The following SLC22A16 variants were observed in gnomAD, a reference collection of about 807,000 sequenced individuals.
SLC22A16 encodes the protein solute carrier family 22 member 16.
SLC22A16 carries 53 observed loss-of-function variants against 52.9 expected under a neutral mutation model. The ratio of observed to expected loss-of-function variants is 1.00; its 90% CI spans 0.80 to 1.26. The LOEUF is 1.26. SLC22A16 is among the 50% of genes most tolerant of loss of function. SLC22A16 has a pLI of 0.00. For synonymous variants in SLC22A16, 291 were observed against 268.8 expected, an observed-to-expected ratio of 1.08 and a Z score of -0.81; for missense variants, 726 against 704.0, an observed-to-expected ratio of 1.03 and a Z score of -0.35.
intron 1 of SLC22A16, among the ~76,000 whole-genome samples, chr6:110,463,077 A>G (rs1361886802): frequency 1.3e-5 from 2 of 152,160 alleles, no homozygotes; most frequent in East Asian, 1.9e-4. Flanking sequence ...GCAAACACTA[A>G]GGGAATTAAT....
chr6:110,456,163 A>C (rs1775643372), intron 2 of SLC22A16: 1 of 193,602 alleles, frequency 5.2e-6, no homozygotes. Flanking sequence ...AAAGTAATAA[A>C]CCGTATCTAT....
At chr6:110,462,658 T>C (rs935815066) in intron 1 of SLC22A16, among the ~76,000 whole-genome samples, 16 of 152,150 alleles carry the variant, frequency 1.1e-4, no homozygotes, top group African/African-American at 3.9e-4. Context: ...ATGACTTATA[T>C]GTAATCCTGA....
intron 1 of SLC22A16, among the ~76,000 whole-genome samples, chr6:110,459,898 G>A (rs1462522098): frequency 6.6e-6 from 1 of 152,162 alleles, no homozygotes; most frequent in Non-Finnish European, 1.5e-5. Flanking sequence ...GGACAATTAT[G>A]CCCACAGGAC....
Position 110,435,909 on chromosome 6 carries a change from C to A in SLC22A16, c.1364G>T (p.Gly455Val), listed in dbSNP as rs746314880. 2 of 1,613,956 alleles carry A rather than the reference C, an allele frequency of 1.2e-6. No individual in the cohort carries two copies. The highest frequency in any genetic ancestry group is 1.1e-5 in the South Asian group (1 of 91,058). Reference protein sequence around the residue: ...VTAMVGKFAIGAAFGLIYLYT... With the variant: ...VTAMVGKFAIVAAFGLIYLYT... ...AAGATAAATGAGGCCAAATGCTGCC[C>A]CGATGGCAAATTTTCCAACCATAGC... The change falls in exon 6 of 8, where the codon GGG becomes GTG. Residue 455 changes from glycine (G) to valine (V), a missense_variant. Gly to Val is a moderately radical substitution (Grantham distance 109, BLOSUM62 -3). Coordinates refer to ENST00000368919, the MANE Select transcript of SLC22A16 (RefSeq NM_033125.4).
intron 6 of SLC22A16, among the ~76,000 whole-genome samples, chr6:110,433,714 T>G (rs1463392821): frequency 1.3e-5 from 2 of 152,216 alleles, no homozygotes; most frequent in African/African-American, 4.8e-5. Flanking sequence ...TTTAATAGGC[T>G]AAGAAATTAT....
chr6:110,457,748 C>T (rs745980782), intron 1 of SLC22A16, among the ~76,000 whole-genome samples: 2 of 152,122 alleles, frequency 1.3e-5, no homozygotes, highest in African/African-American at 2.4e-5. Context: ...CTGTTATGCC[C>T]GGGTAGGGCC....
intron 3 of SLC22A16, among the ~76,000 whole-genome samples, chr6:110,443,157 A>C (rs1268324790): frequency 6.6e-6 from 1 of 152,218 alleles, no homozygotes; most frequent in Non-Finnish European, 1.5e-5. Flanking sequence ...AAATGGAGAC[A>C]AAAAAATTTA....
chr6:110,459,117 C>A (rs747687407), intron 1 of SLC22A16, among the ~76,000 whole-genome samples: 5 of 152,126 alleles, frequency 3.3e-5, no homozygotes, highest in African/African-American at 9.6e-5. Context: ...GGAGAAGAGA[C>A]CAATCTTTCT....
chr6:110,446,738 C>T (rs1215941997), intron 3 of SLC22A16, 135 bp downstream of exon 3: 5 of 760,430 alleles, frequency 6.6e-6, no homozygotes, highest in Admixed American at 4.8e-5. Flanking sequence ...ATTCTGTAGG[C>T]AGACTTCTGC....
chr6:110,448,715 G>A (rs890249084), intron 2 of SLC22A16, among the ~76,000 whole-genome samples: 7 of 152,118 alleles, frequency 4.6e-5, no homozygotes, highest in African/African-American at 1.7e-4. Flanking sequence ...CTCTGTAGAT[G>A]AACAGCCATC....
chr6:110,466,012 A>C (rs1020685852), intron 1 of SLC22A16, among the ~76,000 whole-genome samples: 1 of 152,178 alleles, frequency 6.6e-6, no homozygotes, highest in Admixed American at 6.5e-5. Context: ...TCGTCAACAA[A>C]ATCAACAAAA....
intron 6 of SLC22A16, among the ~76,000 whole-genome samples, chr6:110,432,137 C>T (rs1774531490): frequency 1.3e-5 from 2 of 152,076 alleles, no homozygotes; most frequent in South Asian, 4.1e-4. Flanking sequence ...TTAACGGTGC[C>T]TCATCTTTTC....
intron 1 of SLC22A16, among the ~76,000 whole-genome samples, chr6:110,469,133 C>T (rs1776175384): frequency 6.6e-6 from 1 of 152,234 alleles, no homozygotes; most frequent in South Asian, 2.1e-4. Context: ...CTTCATCTTA[C>T]ACAGCAGAAG....
At chr6:110,436,937 T>A (rs1195276891) in intron 5 of SLC22A16, among the ~76,000 whole-genome samples, 1 of 152,124 alleles carries the variant, frequency 6.6e-6, no homozygotes, top group Non-Finnish European at 1.5e-5. Context: ...AGGGTGGCCT[T>A]GCGGCTGATG....
intron 4 of SLC22A16, among the ~76,000 whole-genome samples, chr6:110,439,693 C>G (rs1403542307): frequency 2.0e-5 from 3 of 152,086 alleles, no homozygotes; most frequent in African/African-American, 7.2e-5. Context: ...ATATAAAATA[C>G]AGGCAGCCTA....
At chr6:110,432,148 C>T (rs963790066) in intron 6 of SLC22A16, among the ~76,000 whole-genome samples, 77 of 152,134 alleles carry the variant, frequency 5.1e-4, no homozygotes, top group African/African-American at 1.8e-3. Flanking sequence ...TCATCTTTTC[C>T]AGTCACACAC....
intron 6 of SLC22A16, among the ~76,000 whole-genome samples, chr6:110,434,744 C>T (rs1774652490): frequency 6.6e-6 from 1 of 152,114 alleles, no homozygotes; most frequent in South Asian, 2.1e-4. Flanking sequence ...CTTTGGGAGG[C>T]CAAGGCTGGC....
At chr6:110,425,726 C>T (rs559634418) in intron 7 of SLC22A16, among the ~76,000 whole-genome samples, 1 of 152,332 alleles carries the variant, frequency 6.6e-6, no homozygotes, top group East Asian at 1.9e-4. Context: ...AAAAGGCAGC[C>T]TTTTAGACTA....
intron 1 of SLC22A16, among the ~76,000 whole-genome samples, chr6:110,465,471 A>G (rs1582586202): frequency 1.3e-5 from 2 of 152,178 alleles, no homozygotes; most frequent in South Asian, 4.1e-4. Context: ...ATTAATGTAC[A>G]AAAATCAGTT....
Sources: gnomAD v4.1 joint callset for allele counts (sites outside exome capture counted in the v4.1 genomes callset) on GRCh38, gnomAD v4.1.1 for gene constraint, MANE v1.5 for transcripts, NCBI Gene and HGNC (gene_info 2026-07-23, HGNC 2026-07-21) for gene names.